Variants in FERMT2 observed in about 807,000 individuals in gnomAD.
FERMT2 encodes fermitin family homolog 2.
Under a neutral mutation model 82.7 loss-of-function variants are expected in FERMT2, and 15 were observed. The ratio of observed to expected loss-of-function variants is 0.18; its 90% CI spans 0.12 to 0.28. The LOEUF (loss-of-function observed/expected upper bound fraction) is 0.28, where lower values mean the gene tolerates loss of function less well. FERMT2 is among the 10% of genes least tolerant of loss of function. The pLI is 1.00. For missense variants in FERMT2, 645 were observed against 809.4 expected (o/e 0.80, Z 2.46); for synonymous variants, 274 against 271.5 (o/e 1.01, Z -0.09).
intron 2 of FERMT2, among the ~76,000 whole-genome samples, chr14:52,932,671 C>T (rs1889644492): frequency 6.6e-6 from 1 of 152,068 alleles, no homozygotes; most frequent in South Asian, 2.1e-4. Flanking sequence ...TTCTACTGTC[C>T]AAAAATAATT....
At chr14:52,939,192 TAA>T (rs34395615) in intron 2 of FERMT2, among the ~76,000 whole-genome samples, 53 of 86,032 alleles carry the variant, frequency 6.2e-4, no homozygotes, top group Middle Eastern at 6.3e-3. Flanking sequence ...CCATCTCTAC[TAA>T]AAAAAAAAAA....
At position 52,869,598 on chromosome 14, in the gene FERMT2, G is replaced by C. The variant is rs147430544; in HGVS notation, c.1273+3201C>G. Among the ~76,000 whole-genome samples the C allele has an allele frequency of 2.2e-4, 33 of 152,254 alleles. No individual in the cohort carries two copies. In the East Asian group the frequency reaches 6.4e-3, roughly 29 times the overall value. On this transcript the variant is annotated intron_variant, in intron 10 of 14. Coordinates refer to ENST00000341590, the MANE Select transcript of FERMT2 (RefSeq NM_006832.3). ...TGTAAACAAACCTATTCTGCTGCCA[G>C]TAATAGAAAGATGTAGCATGTACAA... is the stretch of plus-strand genomic sequence containing the variant.
Position 52,930,214 on chromosome 14 carries a change from C to A in FERMT2, c.158-10858G>T, listed in dbSNP as rs116776014. Among the ~76,000 whole-genome samples, 1,407 of 152,226 alleles carry A rather than the reference C, an allele frequency of 9.2e-3. 21 individuals are homozygous for A. Among genetic ancestry groups the A allele is most frequent in the African/African-American group, 0.032 (1,323 of 41,536 alleles). ...CCTAGAAAAAGGAAATAAAACTGAA[C>A]AGACATCCTGTTCTCTCTCACATCT... is the stretch of plus-strand genomic sequence containing the variant. On this transcript the variant is annotated intron_variant, in intron 2 of 14. Transcript: ENST00000341590.
intron 3 of FERMT2, among the ~76,000 whole-genome samples, chr14:52,901,281 A>C (rs1887630356): frequency 7.4e-5 from 1 of 13,482 alleles, no homozygotes; most frequent in Non-Finnish European, 1.9e-4. Context: ...ACTCTGTCTC[A>C]AAAAAAAAAA....
rs1211202192 is a variant in FERMT2 at position 52,950,973 on chromosome 14, C to G, written c.-62G>C. On this transcript the variant is annotated 5_prime_UTR_variant, in exon 1 of 15. Coordinates refer to ENST00000341590, the MANE Select transcript of FERMT2 (RefSeq NM_006832.3). ...GACTCGCGCGGCAACAGGCGAGGGG[C>G]TGGAGGCTCGCGGGGCGGCGGTGTC... 6.4e-6 allele frequency: 1 copy of G among 156,604 alleles called. No individual in the cohort carries two copies. Among genetic ancestry groups the G allele is most frequent in the Non-Finnish European group, 1.4e-5 (1 of 71,438 alleles). 9.7% of individuals were successfully genotyped at this position (156,604 alleles called of 1,614,324 possible).
At chr14:52,895,624 C>T (rs1164974996) in intron 3 of FERMT2, among the ~76,000 whole-genome samples, 1 of 152,124 alleles carries the variant, frequency 6.6e-6, no homozygotes, top group African/African-American at 2.4e-5. Flanking sequence ...AAAATGCCAA[C>T]AAATCCATAG....
At chr14:52,858,932 A>G (rs1418294175) in intron 14 of FERMT2, 1 of 167,972 alleles carries the variant, frequency 6.0e-6, no homozygotes, top group Non-Finnish European at 1.3e-5. Flanking sequence ...ATCACGTTTG[A>G]GTATTTCAGA....
chr14:52,867,656 C>T (rs867033292), intron 10 of FERMT2, among the ~76,000 whole-genome samples: 2 of 152,098 alleles, frequency 1.3e-5, no homozygotes, highest in African/African-American at 4.8e-5. Context: ...TGCATCTCTC[C>T]CCTAATCCAA....
intron 4 of FERMT2, among the ~76,000 whole-genome samples, chr14:52,884,788 G>A (rs1448479715): frequency 2.6e-5 from 4 of 151,898 alleles, no homozygotes; most frequent in African/African-American, 9.7e-5. Context: ...ATCACCTGAG[G>A]TCAGGAGTTC....
chr14:52,875,046 C>T (rs1472995449), intron 8 of FERMT2, among the ~76,000 whole-genome samples, 177 bp downstream of exon 8: 1 of 152,154 alleles, frequency 6.6e-6, no homozygotes, highest in Admixed American at 6.5e-5. Flanking sequence ...CAGAACGAGA[C>T]CCTGTCTCAA....
intron 2 of FERMT2, among the ~76,000 whole-genome samples, chr14:52,923,712 A>T (rs191907552): frequency 1.4e-4 from 22 of 152,216 alleles, no homozygotes; most frequent in African/African-American, 5.3e-4. Context: ...CAGAAAAAAA[A>T]TAAGCTCTCT....
At chr14:52,872,738 A>T in intron 10 of FERMT2, 61 bp downstream of exon 10, 1 of 1,565,724 alleles carries the variant, frequency 6.4e-7, no homozygotes, top group Non-Finnish European at 8.7e-7. Flanking sequence ...CAAGTGGCTC[A>T]TTGACTATTA....
chr14:52,946,224 G>A (rs972567279), intron 2 of FERMT2, among the ~76,000 whole-genome samples: 10 of 152,120 alleles, frequency 6.6e-5, no homozygotes, highest in Middle Eastern at 3.4e-3. Context: ...ATAAAATTGG[G>A]CCTCTTCTTG....
chr14:52,884,058 C>T (rs1324520369), intron 4 of FERMT2, among the ~76,000 whole-genome samples: 1 of 152,160 alleles, frequency 6.6e-6, no homozygotes, highest in Non-Finnish European at 1.5e-5. Flanking sequence ...TGAACAAATA[C>T]AATCACACAT....
At chr14:52,912,382 A>T in intron 3 of FERMT2, among the ~76,000 whole-genome samples, 1 of 152,194 alleles carries the variant, frequency 6.6e-6, no homozygotes, top group East Asian at 1.9e-4. Flanking sequence ...TCAAAATATT[A>T]TGTAAATTTC....
chr14:52,944,283 G>A (rs1890223273), intron 2 of FERMT2, among the ~76,000 whole-genome samples: 1 of 152,102 alleles, frequency 6.6e-6, no homozygotes, highest in South Asian at 2.1e-4. Flanking sequence ...CCACCCCCAA[G>A]ATTTAAAAAA....
intron 11 of FERMT2, 44 bp from the exon 12 acceptor site, chr14:52,864,666 G>C (rs1885163910): frequency 6.3e-7 from 1 of 1,576,400 alleles, no homozygotes; most frequent in Non-Finnish European, 8.7e-7. Context: ...TCACGAGGTG[G>C]GTCTTTCAAG....
chr14:52,895,984 C>T (rs1453585882), intron 3 of FERMT2, among the ~76,000 whole-genome samples: 1 of 152,106 alleles, frequency 6.6e-6, no homozygotes, highest in Non-Finnish European at 1.5e-5. Context: ...TCATGATGCC[C>T]AGGCTGGTCT....
At chr14:52,878,489 A>G (rs962404834) in intron 7 of FERMT2, 93 bp downstream of exon 7, 2 of 778,370 alleles carry the variant, frequency 2.6e-6, no homozygotes, top group Non-Finnish European at 4.3e-6. Context: ...TGTCTCGTGA[A>G]ATGTTACTGG....
Sources: allele counts gnomAD v4.1 joint callset (sites outside exome capture counted in the v4.1 genomes callset), GRCh38; gene constraint gnomAD v4.1.1; transcripts MANE v1.5; gene names NCBI Gene and HGNC (gene_info 2026-07-23, HGNC 2026-07-21).